SERHL2: variants seen among roughly 807,000 people sequenced by gnomAD.
SERHL2 encodes the protein serine hydrolase like 2, also known as serine hydrolase-like protein 2.
Under a neutral mutation model 25.5 loss-of-function variants are expected in SERHL2, and 29 were observed. That is an observed-to-expected ratio of 1.14 (90% CI 0.85 to 1.55). The LOEUF is 1.55. Among genes scored for constraint, SERHL2 ranks in the 40% most tolerant of loss-of-function variants. The pLI is 0.00. For synonymous variants in SERHL2, 95 were observed against 103.5 expected, an observed-to-expected ratio of 0.92 and a Z score of 0.50; for missense variants, 240 against 252.3, an observed-to-expected ratio of 0.95 and a Z score of 0.33.
At chr22:42,565,955 T>TA (rs1168639340) in intron 8 of SERHL2, among the ~76,000 whole-genome samples, 1 of 151,998 alleles carries the variant, frequency 6.6e-6, no homozygotes, top group African/African-American at 2.4e-5. Flanking sequence ...CATTGGTACT[T>TA]ATTTGCTTCT....
chr22:42,569,193 G>A (rs758909926), intron 9 of SERHL2: 6 of 151,184 alleles, frequency 4.0e-5, no homozygotes, highest in Admixed American at 6.6e-5. Flanking sequence ...CAGGGGCCAC[G>A]CTAATCATCT....
intron 11 of SERHL2, 191 bp from the exon 12 acceptor site, chr22:42,573,745 G>C (rs564906675): frequency 1.5e-6 from 1 of 679,712 alleles, no homozygotes; most frequent in South Asian, 1.8e-5. Flanking sequence ...AAGTCCCTAG[G>C]GTTAGACACC....
At chr22:42,570,959 G>A (rs1924088248) in intron 9 of SERHL2, among the ~76,000 whole-genome samples, 162 bp from the exon 10 acceptor site, 2 of 152,156 alleles carry the variant, frequency 1.3e-5, no homozygotes, top group Non-Finnish European at 1.5e-5. Context: ...AGGGGCTAAA[G>A]AGCCTTCGAT....
rs1922906699 is a variant in SERHL2 at position 42,563,191 on chromosome 22, TTTTTTTTTTTTTTTGTTG to T, written c.613+2929_613+2946del. On this transcript the variant is annotated intron_variant, in intron 8 of 11. Coordinates refer to ENST00000327678, the MANE Select transcript of SERHL2 (RefSeq NM_014509.5). Reference sequence around the variant, plus strand: ...AAGACCCTGGCTTTTTCTTTTTTTCTTTTTTTTTTTTTTTGTTGTTGTTGTTGTTTTCAACAGGGTCTT... The same window carrying T: ...AAGACCCTGGCTTTTTCTTTTTTTCTTTGTTGTTGTTTTCAACAGGGTCTT... 4.3e-5 allele frequency among the ~76,000 whole-genome samples: 4 copies of T among 93,706 alleles called. No individual in the cohort carries two copies. In the East Asian group the frequency reaches 6.1e-3, roughly 143 times the overall value. 61.5% of individuals were successfully genotyped at this position (93,706 alleles called of 152,430 possible).
rs764736290 is a variant in SERHL2 at position 42,566,131 on chromosome 22, C to T, written c.614-173C>T. 3.3e-5 allele frequency among the ~76,000 whole-genome samples: 5 copies of T among 152,178 alleles called. No homozygotes were observed. In the East Asian group the frequency reaches 9.6e-4, roughly 29 times the overall value. ...GTGGCCAGGTGGCTGTGGTCTAGCC[C>T]TGCTCCAGCTGGACCCCAGGACAGG... On this transcript the variant is annotated intron_variant, in intron 8 of 11. Transcript: ENST00000327678.
intron 8 of SERHL2, chr22:42,564,964 G>GCGCA (rs1405177773): frequency 2.1e-5 from 3 of 144,284 alleles, no homozygotes; most frequent in African/African-American, 8.1e-5. Context: ...TGCTCGGCGC[G>GCGCA]CGCGTGTGTG....
chr22:42,574,101 C>T lies in SERHL2; in HGVS notation c.*46C>T, dbSNP rs182193541. The stretch of plus-strand genomic sequence containing the variant: ...AGACCTAGTGCTCCCAGACTCAACA[C>T]TGGGACTCTGAGTTCCTGAGCCCCA... On this transcript the variant is annotated 3_prime_UTR_variant, in exon 12 of 12. Transcript: ENST00000327678. 2.0e-3 allele frequency: 3,054 copies of T among 1,565,752 alleles called. 69 individuals are homozygous for T. Among genetic ancestry groups the T allele is most frequent in the Non-Finnish European group, 2.0e-3 (2,312 of 1,139,054 alleles).
Position 42,574,109 on chromosome 22 carries a change from C to T in SERHL2, c.*54C>T, listed in dbSNP as rs1347632627. On this transcript the variant is annotated 3_prime_UTR_variant, in exon 12 of 12. Coordinates refer to ENST00000327678, the MANE Select transcript of SERHL2 (RefSeq NM_014509.5). ...TGCTCCCAGACTCAACACTGGGACTCTGAGTTCCTGAGCCCCACAACAAGG... is the reference window on the plus strand; with the variant it reads ...TGCTCCCAGACTCAACACTGGGACTTTGAGTTCCTGAGCCCCACAACAAGG... 94 of 1,509,476 alleles carry T rather than the reference C, an allele frequency of 6.2e-5. 1 individual carries two copies. Among genetic ancestry groups the T allele is most frequent in the Admixed American group, 8.6e-5 (5 of 58,328 alleles). The allele number at this position is 1,509,476 out of a possible 1,614,324, so 93.5% of individuals were successfully genotyped here. A position where few individuals can be genotyped will look rare whatever the true frequency, so the allele number is the denominator to read the frequency against.
chr22:42,559,752 C>G lies in SERHL2; in HGVS notation c.534-434C>G, dbSNP rs117298153. On this transcript the variant is annotated intron_variant, in intron 7 of 11. Coordinates refer to ENST00000327678, the MANE Select transcript of SERHL2 (RefSeq NM_014509.5). ...AAAAAAAGAAAAAAAAATCACGAGA[C>G]ACATGCACGCTTTGTGGGTGACCTC... Among the ~76,000 whole-genome samples the G allele has an allele frequency of 7.5e-4, 114 of 151,932 alleles. 1 individual carries two copies. In the East Asian group the frequency reaches 0.018, roughly 24 times the overall value.
chr22:42,556,350 G>A, intron 5 of SERHL2, 164 bp from the exon 6 acceptor site: 1 of 570,756 alleles, frequency 1.8e-6, no homozygotes, highest in Non-Finnish European at 3.2e-6. Context: ...TAGGGGTGGT[G>A]GGGGAAGGCA....
chr22:42,570,834 A>G (rs1467387522), intron 9 of SERHL2, among the ~76,000 whole-genome samples: 2 of 152,074 alleles, frequency 1.3e-5, no homozygotes, highest in Non-Finnish European at 2.9e-5. Flanking sequence ...TCTGCCTTTA[A>G]TCTCACAGGC....
intron 8 of SERHL2, chr22:42,565,254 C>T (rs1923213515): frequency 6.5e-6 from 1 of 152,756 alleles, no homozygotes; most frequent in Non-Finnish European, 1.5e-5. Context: ...GGACACCCGC[C>T]TAGCCGCCAG....
At chr22:42,573,753 A>T in intron 11 of SERHL2, 183 bp from the exon 12 acceptor site, 3 of 696,050 alleles carry the variant, frequency 4.3e-6, no homozygotes, top group Non-Finnish European at 7.6e-6. Flanking sequence ...AGGGTTAGAC[A>T]CCTCCTGGGG....
Position 42,566,401 on chromosome 22 carries a change from G to GA in SERHL2, c.648+67dup. The stretch of plus-strand genomic sequence containing the variant: ...GCCTGTTAGCGTCTTTGTCGTTTTT[G>GA]AAAATTACAGGCCAGGCGTGGTGGC... On this transcript the variant is annotated intron_variant, in intron 9 of 11. Transcript: ENST00000327678. The GA allele has an allele frequency of 4.5e-6, 7 of 1,543,088 alleles. No individual in the cohort carries two copies. The South Asian group carries it at 7.8e-5, about 17-fold the overall frequency.
In SERHL2 at chr22:42,569,839, T is replaced by TTGTGTGTGTGTGTG. The variant is rs58527778; in HGVS notation, c.649-1260_649-1247dup. 3.4e-5 allele frequency: 5 copies of TTGTGTGTGTGTGTG among 146,864 alleles called. No individual in the cohort carries two copies. In the East Asian group the frequency reaches 8.1e-4, roughly 24 times the overall value. The allele number at this position is 146,864 out of a possible 1,614,324, so 9.1% of individuals were successfully genotyped here. Reference sequence around the variant, plus strand: ...CTGGTGTGTGTGTGTTCATAGCAATTTGTGTGTGTGTGTGTGTGTGTGTGT... The same window carrying TTGTGTGTGTGTGTG: ...CTGGTGTGTGTGTGTTCATAGCAATTTGTGTGTGTGTGTGTGTGTGTGTGTGTGTGTGTGTGTGT... On this transcript the variant is annotated intron_variant, in intron 9 of 11. Transcript: ENST00000327678.
At chr22:42,566,570 A>AAG in intron 9 of SERHL2, among the ~76,000 whole-genome samples, 1 of 150,488 alleles carries the variant, frequency 6.6e-6, no homozygotes, top group Middle Eastern at 3.4e-3. Flanking sequence ...AAAAAAAAAC[A>AAG]AAAGAAATTA....
intron 11 of SERHL2, 112 bp downstream of exon 11, chr22:42,572,641 C>A (rs539795940): frequency 2.2e-5 from 33 of 1,469,196 alleles, no homozygotes; most frequent in Non-Finnish European, 2.7e-5. Flanking sequence ...CCAGGCCCAA[C>A]AAGTGACCAC....
intron 9 of SERHL2, among the ~76,000 whole-genome samples, chr22:42,568,568 C>G (rs1923727978): frequency 6.6e-6 from 1 of 151,958 alleles, no homozygotes; most frequent in Non-Finnish European, 1.5e-5. Flanking sequence ...AGATGGTTCC[C>G]AGGGATGGAA....
intron 8 of SERHL2, chr22:42,563,375 G>T (rs1216099479): frequency 4.8e-6 from 2 of 414,048 alleles, no homozygotes; most frequent in South Asian, 3.4e-5. Context: ...GCTAATTTTT[G>T]TATTTTTTTG....
Sources: gnomAD v4.1 joint callset for allele counts (sites outside exome capture counted in the v4.1 genomes callset) on GRCh38, gnomAD v4.1.1 for gene constraint, MANE v1.5 for transcripts, NCBI Gene and HGNC (gene_info 2026-07-23, HGNC 2026-07-21) for gene names.